Variants in TOX3 observed in about 807,000 individuals in gnomAD.
TOX3 encodes the protein TOX high mobility group box family member 3, also known as CAG trinucleotide repeat-containing gene F9 protein.
Under a neutral mutation model 64.3 loss-of-function variants are expected in TOX3, and 22 were observed. The ratio of observed to expected loss-of-function variants is 0.34; its 90% CI spans 0.24 to 0.49. The LOEUF (loss-of-function observed/expected upper bound fraction) is 0.49, where lower values mean the gene tolerates loss of function less well. TOX3 is among the 20% of genes least tolerant of loss of function. The pLI is 0.99. For missense variants in TOX3, 661 were observed against 714.4 expected (o/e 0.93, Z 0.85); for synonymous variants, 291 against 273.6 (o/e 1.06, Z -0.63).
rs530634645 is a variant in TOX3, at chr16:52,450,225, G to A, written c.678+52C>T. ...CCATGAATGAAATTCAAACAGCATG[G>A]GGTAATCCCATATTCTCTGGCAGGT... On this transcript the variant is annotated intron_variant, in intron 4 of 6. Transcript: ENST00000219746. 3.2e-5 allele frequency: 51 copies of A among 1,602,526 alleles called. No homozygotes were observed. In the Admixed American group the frequency reaches 6.0e-4, roughly 19 times the overall value.
intron 6 of TOX3, among the ~76,000 whole-genome samples, chr16:52,442,038 A>C (rs1289638663): frequency 6.6e-6 from 1 of 152,336 alleles, no homozygotes; most frequent in East Asian, 1.9e-4. Flanking sequence ...TTAAAGAAAA[A>C]AACACAAAGA....
At chr16:52,508,266 C>T (rs546740872) in intron 1 of TOX3, among the ~76,000 whole-genome samples, 3 of 152,258 alleles carry the variant, frequency 2.0e-5, no homozygotes, top group South Asian at 2.1e-4. Context: ...AATAATTCAA[C>T]GTTGCCAAGT....
At chr16:52,456,604 G>T (rs1960524319) in intron 3 of TOX3, among the ~76,000 whole-genome samples, 1 of 152,106 alleles carries the variant, frequency 6.6e-6, no homozygotes, top group South Asian at 2.1e-4. Context: ...CCAATGAATG[G>T]ATATTTTGGG....
chr16:52,520,346 T>C (rs542366272), intron 1 of TOX3, among the ~76,000 whole-genome samples: 1 of 152,306 alleles, frequency 6.6e-6, no homozygotes, highest in East Asian at 1.9e-4. Context: ...TTACACAAAA[T>C]ACAGTGCTCT....
At chr16:52,496,816 G>C (rs1961860758) in intron 1 of TOX3, among the ~76,000 whole-genome samples, 1 of 151,680 alleles carries the variant, frequency 6.6e-6, no homozygotes, top group Admixed American at 6.6e-5. Flanking sequence ...TGCTCAGAAA[G>C]ATTTCTTTCA....
intron 1 of TOX3, among the ~76,000 whole-genome samples, chr16:52,510,630 C>G (rs892790621): frequency 6.6e-6 from 1 of 151,796 alleles, no homozygotes; most frequent in Non-Finnish European, 1.5e-5. Context: ...GTGGTACATG[C>G]CTGCAGTCCC....
chr16:52,543,118 T>C (rs1963109951), intron 1 of TOX3, among the ~76,000 whole-genome samples: 1 of 152,214 alleles, frequency 6.6e-6, no homozygotes, highest in African/African-American at 2.4e-5. Context: ...TAGTCCAAGT[T>C]TGTTAACAAC....
intron 3 of TOX3, among the ~76,000 whole-genome samples, chr16:52,463,327 A>AAAAT (rs1259486440): frequency 2.0e-5 from 3 of 152,372 alleles, no homozygotes; most frequent in Non-Finnish European, 4.4e-5. Context: ...CACACTAAGA[A>AAAAT]AAATAGAACC....
At chr16:52,481,497 C>T (rs902585819) in intron 1 of TOX3, among the ~76,000 whole-genome samples, 1 of 152,200 alleles carries the variant, frequency 6.6e-6, no homozygotes, top group Non-Finnish European at 1.5e-5. Flanking sequence ...CTAAAGCCTA[C>T]TTAACTCACA....
chr16:52,538,440 G>T (rs1186867309), intron 1 of TOX3, among the ~76,000 whole-genome samples: 1 of 151,972 alleles, frequency 6.6e-6, no homozygotes, highest in Non-Finnish European at 1.5e-5. Flanking sequence ...CTCACAATTT[G>T]GTACAGTTAT....
At chr16:52,492,494 G>A (rs1218690133) in intron 1 of TOX3, among the ~76,000 whole-genome samples, 3 of 132,470 alleles carry the variant, frequency 2.3e-5, no homozygotes, top group Non-Finnish European at 4.7e-5. Flanking sequence ...TATAATATAT[G>A]ATATATATAT....
At chr16:52,451,006 A>G (rs1156577203) in intron 3 of TOX3, among the ~76,000 whole-genome samples, 1 of 152,230 alleles carries the variant, frequency 6.6e-6, no homozygotes, top group Non-Finnish European at 1.5e-5. Context: ...TCAAACATGT[A>G]GCTGTTATGA....
intron 1 of TOX3, among the ~76,000 whole-genome samples, chr16:52,476,321 A>G (rs1461097437): frequency 6.6e-6 from 1 of 152,182 alleles, no homozygotes; most frequent in African/African-American, 2.4e-5. Flanking sequence ...CATGATCTGG[A>G]CACATTTGAG....
At chr16:52,531,522 T>C (rs968497489) in intron 1 of TOX3, among the ~76,000 whole-genome samples, 3 of 152,224 alleles carry the variant, frequency 2.0e-5, no homozygotes, top group African/African-American at 7.2e-5. Flanking sequence ...AAGTGGTGTA[T>C]AAAAAACTTT....
intron 1 of TOX3, among the ~76,000 whole-genome samples, chr16:52,503,029 G>C (rs879509145): frequency 2.6e-5 from 4 of 152,170 alleles, no homozygotes; most frequent in Non-Finnish European, 5.9e-5. Flanking sequence ...AAATGAGTAT[G>C]ACTGTGTTCC....
intron 2 of TOX3, among the ~76,000 whole-genome samples, chr16:52,468,257 T>A (rs2151758926): frequency 6.6e-6 from 1 of 152,330 alleles, no homozygotes; most frequent in Non-Finnish European, 1.5e-5. Context: ...ATATATTTAC[T>A]TTTTGTTTGC....
At chr16:52,449,054 C>A (rs565288209) in intron 4 of TOX3, among the ~76,000 whole-genome samples, 25 of 152,188 alleles carry the variant, frequency 1.6e-4, no homozygotes, top group Non-Finnish European at 3.4e-4. Flanking sequence ...AAAATGCCTG[C>A]TAATCTGGTA....
chr16:52,476,957 G>A (rs374454367), intron 1 of TOX3, among the ~76,000 whole-genome samples: 10 of 152,252 alleles, frequency 6.6e-5, no homozygotes, highest in African/African-American at 2.2e-4. Flanking sequence ...AGAGGAACAA[G>A]TCTTTTTTCA....
chr16:52,460,835 T>C (rs914087818), intron 3 of TOX3, among the ~76,000 whole-genome samples: 1 of 152,194 alleles, frequency 6.6e-6, no homozygotes, highest in African/African-American at 2.4e-5. Flanking sequence ...TGGTGCACTG[T>C]GGGTATTCAA....
Sources: gnomAD v4.1 joint callset for allele counts (sites outside exome capture counted in the v4.1 genomes callset) on GRCh38, gnomAD v4.1.1 for gene constraint, MANE v1.5 for transcripts, NCBI Gene and HGNC (gene_info 2026-07-23, HGNC 2026-07-21) for gene names.